Variants in AGBL2 observed in about 807,000 individuals in gnomAD.
AGBL2 encodes AGBL carboxypeptidase 2, also known as cytosolic carboxypeptidase 2.
AGBL2 carries 87 observed loss-of-function variants against 103.0 expected under a neutral mutation model. The ratio of observed to expected loss-of-function variants is 0.84; its 90% CI spans 0.71 to 1.01. The LOEUF is 1.01. AGBL2 is among the 50% of genes least tolerant of loss of function. AGBL2 has a pLI of 0.00. For missense variants in AGBL2, 904 were observed against 1,023.5 expected, an observed-to-expected ratio of 0.88 and a Z score of 1.59; for synonymous variants, 335 against 356.7, an observed-to-expected ratio of 0.94 and a Z score of 0.69.
chr11:47,705,841 T>C (rs368248647), intron 5 of AGBL2, 23 bp downstream of exon 5: 3 of 1,611,022 alleles, frequency 1.9e-6, no homozygotes, highest in Admixed American at 3.3e-5. Context: ...TTGAATCTTC[T>C]GGTCTGGAAG....
intron 3 of AGBL2, among the ~76,000 whole-genome samples, chr11:47,712,552 T>C (rs531465568): frequency 1.3e-5 from 2 of 152,298 alleles, no homozygotes; most frequent in South Asian, 2.1e-4. Flanking sequence ...GTTGAAAAAT[T>C]GCCAGTTCTT....
chr11:47,674,204 G>T (rs1202630165), intron 14 of AGBL2, among the ~76,000 whole-genome samples: 1 of 152,164 alleles, frequency 6.6e-6, no homozygotes, highest in Non-Finnish European at 1.5e-5. Flanking sequence ...ATAAGGAGTG[G>T]CAGGAGGGTG....
chr11:47,700,143 G>C (rs1011339795), intron 7 of AGBL2, among the ~76,000 whole-genome samples: 1 of 152,016 alleles, frequency 6.6e-6, no homozygotes, highest in African/African-American at 2.4e-5. Flanking sequence ...TTTTAGTAGA[G>C]ACAGGGTTTC....
At chr11:47,668,717 G>A (rs2097348456) in intron 15 of AGBL2, 124 bp downstream of exon 15, 1 of 703,990 alleles carries the variant, frequency 1.4e-6, no homozygotes, top group Non-Finnish European at 2.5e-6. Context: ...AAGGTGACTA[G>A]TTAGGACATT....
intron 18 of AGBL2, among the ~76,000 whole-genome samples, chr11:47,662,355 G>A (rs1192479780): frequency 6.6e-6 from 1 of 151,236 alleles, no homozygotes; most frequent in African/African-American, 2.4e-5. Context: ...TATATTTTTA[G>A]TTGAGACAGG....
rs201156525 is a variant in AGBL2, at chr11:47,710,378, T to C, written c.231A>G (p.Leu77=). 327 of 1,613,874 alleles carry C rather than the reference T, an allele frequency of 2.0e-4. No individual in the cohort carries two copies. The highest frequency in any genetic ancestry group is 2.6e-4 in the Non-Finnish European group (312 of 1,179,914). ...IPDTLQKEKL[L]WPISLSSAVH... ...TCACACATACTGATTGTTACTCACA[T>C]AGAAGCTTCTCCTTTTGCAGGGTGT... Residue 77 remains leucine (L), a splice_region_variant and synonymous_variant, in exon 4 of 19, where the codon CTA becomes CTG. Transcript: ENST00000525123.
At chr11:47,694,289 C>A (rs1221181673) in intron 8 of AGBL2, among the ~76,000 whole-genome samples, 1 of 151,846 alleles carries the variant, frequency 6.6e-6, no homozygotes, top group Non-Finnish European at 1.5e-5. Context: ...AGGTGAGGCA[C>A]TCCTCAACAC....
chr11:47,712,544 T>C (rs977733038), intron 3 of AGBL2, among the ~76,000 whole-genome samples: 9 of 152,224 alleles, frequency 5.9e-5, no homozygotes, highest in African/African-American at 2.2e-4. Flanking sequence ...AACCCAGTGT[T>C]GAAAAATTGC....
intron 12 of AGBL2, among the ~76,000 whole-genome samples, chr11:47,680,509 T>C (rs1339604817): frequency 6.6e-6 from 1 of 152,000 alleles, no homozygotes; most frequent in Admixed American, 6.6e-5. Flanking sequence ...CCAGGCACAG[T>C]GGCTCATGCC....
intron 11 of AGBL2, among the ~76,000 whole-genome samples, chr11:47,682,458 C>T (rs1396145481): frequency 1.3e-5 from 2 of 152,154 alleles, no homozygotes; most frequent in Non-Finnish European, 2.9e-5. Context: ...CCCCACTCCC[C>T]TAAGGAGAAT....
intron 11 of AGBL2, among the ~76,000 whole-genome samples, chr11:47,685,641 C>G (rs1481116133): frequency 1.3e-5 from 2 of 151,772 alleles, no homozygotes; most frequent in African/African-American, 2.4e-5. Flanking sequence ...AGGCTGGTCT[C>G]GAACTCCTGA....
chr11:47,686,446 G>GTTTTTT (rs1565044623), intron 10 of AGBL2, among the ~76,000 whole-genome samples: 3 of 128,060 alleles, frequency 2.3e-5, no homozygotes, highest in African/African-American at 5.6e-5. Context: ...TTTTGTTTCT[G>GTTTTTT]GTTTTTTTTT....
At chr11:47,667,779 A>C in intron 15 of AGBL2, 83 bp from the exon 16 acceptor site, 2 of 1,464,872 alleles carry the variant, frequency 1.4e-6, no homozygotes, top group East Asian at 2.3e-5. Flanking sequence ...TGCAACACTC[A>C]AGACACAAAG....
At chr11:47,664,669 C>T (rs2097336514) in intron 17 of AGBL2, among the ~76,000 whole-genome samples, 1 of 152,058 alleles carries the variant, frequency 6.6e-6, no homozygotes, top group South Asian at 2.1e-4. Context: ...CCTCAGCCTC[C>T]CAAAGTGTTG....
chr11:47,704,563 T>C lies in AGBL2; in HGVS notation c.566A>G (p.Lys189Arg). 1 of 1,613,718 alleles carries C rather than the reference T, an allele frequency of 6.2e-7. No individual in the cohort carries two copies. The highest frequency in any genetic ancestry group is 2.2e-5 in the East Asian group (1 of 44,870). The change falls in exon 7 of 19, where the codon AAG becomes AGG. Residue 189 changes from lysine to arginine, a missense_variant. By Grantham distance (26) the Lys-to-Arg change is conservative (BLOSUM62 2). Coordinates refer to ENST00000525123, the MANE Select transcript of AGBL2 (RefSeq NM_024783.4). ...ATTACCAATATGATGGATGTTTTCC[T>C]TGATGACCTCACATTCAATTGGCCA... is the stretch of plus-strand genomic sequence containing the variant. The part of the protein sequence containing the change: ...PRWPIECEVI[K>R]ENIHHIEWAP...
chr11:47,698,860 T>A (rs755908373), intron 8 of AGBL2, among the ~76,000 whole-genome samples: 14 of 151,786 alleles, frequency 9.2e-5, no homozygotes, highest in Admixed American at 2.0e-4. Flanking sequence ...ATTATTTTAA[T>A]CCTTTTACAT....
intron 14 of AGBL2, among the ~76,000 whole-genome samples, chr11:47,673,793 CA>C (rs66460144): frequency 0.37 from 28,148 of 75,064 alleles, 3,220 homozygotes; most frequent in South Asian, 0.49. Flanking sequence ...GACTCCATCT[CA>C]AAAAAAAAAA....
In AGBL2 at chr11:47,686,064, A is replaced by G. The variant is rs529277879; in HGVS notation, c.1632-15T>C. 3.9e-5 allele frequency: 63 copies of G among 1,612,880 alleles called. 1 individual carries two copies. The East Asian group carries it at 1.3e-3, about 33-fold the overall frequency. On this transcript the variant is annotated splice_polypyrimidine_tract_variant and intron_variant, in intron 10 of 18. Transcript: ENST00000525123. ...CTTCAAGAAGTCTATTGAGGGGGCA[A>G]ACAAAGGACTCAGTGGACACCCAAA... is the stretch of plus-strand genomic sequence containing the variant.
intron 9 of AGBL2, among the ~76,000 whole-genome samples, chr11:47,691,180 C>T (rs1330786999): frequency 4.6e-5 from 7 of 151,698 alleles, no homozygotes; most frequent in Non-Finnish European, 1.0e-4. Context: ...AAGAGAATCA[C>T]TTGAACCCAC....
Sources: allele counts gnomAD v4.1 joint callset (sites outside exome capture counted in the v4.1 genomes callset), GRCh38; gene constraint gnomAD v4.1.1; transcripts MANE v1.5; gene names NCBI Gene and HGNC (gene_info 2026-07-23, HGNC 2026-07-21).